GRID1: variants seen among roughly 807,000 people sequenced by gnomAD.
GRID1 encodes glutamate ionotropic receptor delta type subunit 1, also known as glutamate receptor ionotropic, delta-1.
Under a neutral mutation model 98.0 loss-of-function variants are expected in GRID1, and 28 were observed. The ratio of observed to expected loss-of-function variants is 0.29; its 90% confidence interval spans 0.21 to 0.39. The LOEUF (loss-of-function observed/expected upper bound fraction) is 0.39. Among genes scored for constraint, GRID1 ranks in the 10% least tolerant of loss-of-function variants. The probability of loss-of-function intolerance (pLI) is 1.00; values close to 1 mark genes in which losing one functional copy is unlikely to be tolerated. For synonymous variants in GRID1, 553 were observed against 538.5 expected (o/e 1.03, Z -0.37); for missense variants, 1,111 against 1,340.5 (o/e 0.83, Z 2.67).
intron 5 of GRID1, among the ~76,000 whole-genome samples, chr10:85,899,111 ATGG>A (rs929249834): frequency 6.6e-6 from 1 of 152,244 alleles, no homozygotes; most frequent in African/African-American, 2.4e-5. Flanking sequence ...CATAGGGTTC[ATGG>A]TTGACAGAAG....
rs557360299 is a variant in GRID1, at chr10:86,189,780, A to G, written c.520+16584T>C. 1.2e-3 allele frequency among the ~76,000 whole-genome samples: 180 copies of G among 152,270 alleles called. 1 individual carries two copies. The highest frequency in any genetic ancestry group is 4.2e-3 in the African/African-American group (173 of 41,548). The stretch of plus-strand genomic sequence containing the variant: ...CTATCCCCTGTTATGACAGAGAAAC[A>G]CAAATGTCCCCAGACGCTGCCAAAT... On this transcript the variant is annotated intron_variant, in intron 3 of 15. Coordinates refer to ENST00000327946, the MANE Select transcript of GRID1 (RefSeq NM_017551.3).
rs762538564 is a variant in GRID1 at position 86,172,271 on chromosome 10, T to C, written c.521-33247A>G. ...CATACAATATGTGGTCTTTAGTGGCTAGCTTCTTTCACTTGGCATAATGTT... is the reference window on the plus strand; with the variant it reads ...CATACAATATGTGGTCTTTAGTGGCCAGCTTCTTTCACTTGGCATAATGTT... On this transcript the variant is annotated intron_variant, in intron 3 of 15. Coordinates refer to ENST00000327946, the MANE Select transcript of GRID1 (RefSeq NM_017551.3). Among the ~76,000 whole-genome samples the C allele has an allele frequency of 4.5e-4, 69 of 152,248 alleles. 1 individual carries two copies. The highest frequency in any genetic ancestry group is 1.6e-4 in the Non-Finnish European group (11 of 68,044).
intron 2 of GRID1, among the ~76,000 whole-genome samples, chr10:86,359,813 T>C (rs948367690): frequency 1.3e-5 from 2 of 152,254 alleles, no homozygotes; most frequent in Non-Finnish European, 2.9e-5. Flanking sequence ...ATCTGAAATT[T>C]TTTTATTTAA....
intron 8 of GRID1, among the ~76,000 whole-genome samples, chr10:85,744,639 A>C (rs1377620737): frequency 9.5e-6 from 1 of 105,062 alleles, no homozygotes; most frequent in African/African-American, 4.0e-5. Context: ...CCTAGGCATT[A>C]CCATTCAGGA....
intron 8 of GRID1, among the ~76,000 whole-genome samples, chr10:85,826,208 GC>G (rs1290447938): frequency 1.3e-5 from 2 of 152,104 alleles, no homozygotes; most frequent in African/African-American, 4.8e-5. Context: ...GGTGGCACAT[GC>G]CTGCAATCCC....
At chr10:86,243,859 G>A (rs1297598237) in intron 2 of GRID1, among the ~76,000 whole-genome samples, 3 of 152,162 alleles carry the variant, frequency 2.0e-5, no homozygotes, top group Admixed American at 6.5e-5. Flanking sequence ...GGGTCAAGCC[G>A]ATCCCTCAGG....
rs2132126816 is a variant in GRID1 at position 86,366,249 on chromosome 10, G to A, written c.79+65C>T. 14 of 1,184,138 alleles carry A rather than the reference G, an allele frequency of 1.2e-5. No individual in the cohort carries two copies. The highest frequency in any genetic ancestry group is 1.6e-5 in the African/African-American group (1 of 61,144). The allele number at this position is 1,184,138 out of a possible 1,614,324, so 73.4% of individuals were successfully genotyped here. ...GCCCAGGGAAACGCCAAGTTTGGAC[G>A]CCGCGCACCCCCTGCCCCGTTGGGG... is the stretch of plus-strand genomic sequence containing the variant. On this transcript the variant is annotated intron_variant, in intron 1 of 15. Coordinates refer to ENST00000327946, the MANE Select transcript of GRID1 (RefSeq NM_017551.3). The surrounding 1 kb of genome is among the most constrained non-coding windows in gnomAD (Gnocchi z 4.1).
intron 4 of GRID1, among the ~76,000 whole-genome samples, chr10:86,045,861 G>C (rs1843416015): frequency 6.6e-6 from 1 of 152,200 alleles, no homozygotes; most frequent in Non-Finnish European, 1.5e-5. Flanking sequence ...GGCTGCACTG[G>C]CTGAAACCGT....
At chr10:85,935,786 G>A (rs1169553669) in intron 4 of GRID1, among the ~76,000 whole-genome samples, 1 of 152,216 alleles carries the variant, frequency 6.6e-6, no homozygotes, top group Admixed American at 6.5e-5. Flanking sequence ...GAGGCACAGA[G>A]CAATTCTTTC....
At chr10:86,208,783 T>C (rs1218238709) in intron 2 of GRID1, among the ~76,000 whole-genome samples, 4 of 152,204 alleles carry the variant, frequency 2.6e-5, no homozygotes, top group East Asian at 1.9e-4. Context: ...CAGTTCACAA[T>C]AGCAGTAAAG....
intron 2 of GRID1, among the ~76,000 whole-genome samples, chr10:86,215,648 C>T (rs1016217511): frequency 5.3e-5 from 8 of 152,120 alleles, no homozygotes; most frequent in African/African-American, 1.9e-4. Context: ...TCCTGAAGCA[C>T]TCCCAGGAAC....
chr10:85,656,006 G>A (rs11201721), intron 12 of GRID1, among the ~76,000 whole-genome samples: 98,464 of 151,216 alleles, frequency 0.65, 32,836 homozygotes, highest in African/African-American at 0.79. Context: ...AAAAAGTCCT[G>A]TGAGATGACA....
intron 13 of GRID1, among the ~76,000 whole-genome samples, chr10:85,622,500 T>G (rs575611945): frequency 9.2e-5 from 14 of 152,292 alleles, no homozygotes; most frequent in African/African-American, 3.1e-4. Context: ...TTCAGCATCT[T>G]GAGTTGCTGG....
chr10:85,897,722 T>C (rs903271349), intron 5 of GRID1, among the ~76,000 whole-genome samples: 8 of 152,214 alleles, frequency 5.3e-5, no homozygotes, highest in African/African-American at 1.9e-4. Flanking sequence ...CCATTATCAA[T>C]TTTTTTGTGA....
chr10:86,108,209 T>C (rs1279199244), intron 4 of GRID1, among the ~76,000 whole-genome samples: 1 of 152,104 alleles, frequency 6.6e-6, no homozygotes, highest in Non-Finnish European at 1.5e-5. Flanking sequence ...AGCGGGGCAC[T>C]GAAGAAGCGA....
intron 8 of GRID1, among the ~76,000 whole-genome samples, chr10:85,777,959 G>A (rs1842347221): frequency 6.6e-6 from 1 of 152,122 alleles, no homozygotes; most frequent in African/African-American, 2.4e-5. Flanking sequence ...ATGTATTTCT[G>A]TACATGGTCT....
Position 86,318,229 on chromosome 10 carries a change from G to T in GRID1, c.235+45712C>A, listed in dbSNP as rs61361545. Among the ~76,000 whole-genome samples, 90 of 152,322 alleles carry T rather than the reference G, an allele frequency of 5.9e-4. No homozygotes were observed. The East Asian group carries it at 0.016, about 27-fold the overall frequency. ...CACCTGAGTGCTGGTGCCAGGAGTG[G>T]CTGTCTAACCTGCTGCAGCTGCTAG... On this transcript the variant is annotated intron_variant, in intron 2 of 15. Transcript: ENST00000327946.
At chr10:86,045,235 T>C (rs1160092060) in intron 4 of GRID1, among the ~76,000 whole-genome samples, 1 of 152,162 alleles carries the variant, frequency 6.6e-6, no homozygotes, top group Non-Finnish European at 1.5e-5. Flanking sequence ...TGCCCAGGGT[T>C]ATGCAACTAT....
At chr10:86,116,669 T>C (rs1178229178) in intron 4 of GRID1, among the ~76,000 whole-genome samples, 1 of 151,986 alleles carries the variant, frequency 6.6e-6, no homozygotes, top group East Asian at 1.9e-4. Context: ...GATTGTGGGG[T>C]TGACTTGAAT....
Sources: allele counts gnomAD v4.1 joint callset (sites outside exome capture counted in the v4.1 genomes callset), GRCh38; gene constraint gnomAD v4.1.1; non-coding constraint Gnocchi (gnomAD v3.1); transcripts MANE v1.5; gene names NCBI Gene and HGNC (gene_info 2026-07-23, HGNC 2026-07-21).